The following SNTG1 variants were observed in gnomAD, a reference collection of about 807,000 sequenced individuals.
SNTG1 encodes gamma-1-syntrophin.
A neutral mutation model predicts 74.7 loss-of-function variants in SNTG1; 39 were observed. The ratio of observed to expected loss-of-function variants is 0.52; its 90% confidence interval spans 0.40 to 0.68. The LOEUF is 0.68. SNTG1 is among the 30% of genes least tolerant of loss of function. The probability of loss-of-function intolerance (pLI) is 0.00; values close to 1 mark genes in which losing one functional copy is unlikely to be tolerated. For synonymous variants in SNTG1, 254 were observed against 217.1 expected, an observed-to-expected ratio of 1.17 and a Z score of -1.49; for missense variants, 685 against 609.5, an observed-to-expected ratio of 1.12 and a Z score of -1.30.
chr8:50,575,857 C>A (rs1347588306), intron 12 of SNTG1: 3 of 152,212 alleles, frequency 2.0e-5, no homozygotes, highest in African/African-American at 7.2e-5. Context: ...TCATTCATAT[C>A]TTCTTCCAGG....
chr8:50,673,953 G>T (rs982778337), intron 15 of SNTG1, among the ~76,000 whole-genome samples: 1 of 152,104 alleles, frequency 6.6e-6, no homozygotes, highest in Non-Finnish European at 1.5e-5. Context: ...TTCTGTCATT[G>T]GTTCTGTCAA....
intron 1 of SNTG1, among the ~76,000 whole-genome samples, chr8:49,953,439 A>G (rs1013322724): frequency 6.6e-6 from 1 of 152,166 alleles, no homozygotes; most frequent in Non-Finnish European, 1.5e-5. Context: ...CCTGGGAACT[A>G]GAGATTACAA....
chr8:50,583,200 C>T (rs1222920702), intron 12 of SNTG1, among the ~76,000 whole-genome samples: 17 of 151,636 alleles, frequency 1.1e-4, no homozygotes, highest in African/African-American at 4.1e-4. Flanking sequence ...GCCAGGAGTT[C>T]GAGACCAACC....
intron 1 of SNTG1, among the ~76,000 whole-genome samples, chr8:50,043,038 T>C (rs919354418): frequency 2.0e-5 from 3 of 152,252 alleles, no homozygotes; most frequent in Non-Finnish European, 2.9e-5. Flanking sequence ...TTATGATTAC[T>C]AGTTTTATTT....
rs1007347794 is a variant in SNTG1, at chr8:50,619,155, G to A, written c.849+28238G>A. Among the ~76,000 whole-genome samples the A allele has an allele frequency of 2.6e-5, 4 of 152,036 alleles. No individual in the cohort carries two copies. In the South Asian group the frequency reaches 8.3e-4, roughly 32 times the overall value. On this transcript the variant is annotated intron_variant, in intron 13 of 18. Transcript: ENST00000642720. ...CATCAAAGTGGTTCTGCTATTATTA[G>A]AGCACTATGCTGAATATCATGGCAG...
intron 1 of SNTG1, among the ~76,000 whole-genome samples, chr8:49,940,982 C>A (rs1808633857): frequency 6.6e-6 from 1 of 152,120 alleles, no homozygotes; most frequent in Non-Finnish European, 1.5e-5. Context: ...ACGTTTAAGG[C>A]ACTGTTGGAA....
intron 2 of SNTG1, among the ~76,000 whole-genome samples, chr8:50,292,005 G>C (rs982343996): frequency 6.6e-6 from 1 of 151,988 alleles, no homozygotes; most frequent in African/African-American, 2.4e-5. Flanking sequence ...GTGTGTGTGT[G>C]TGCTCTAATG....
chr8:50,785,956 C>T (rs905500606), intron 18 of SNTG1, among the ~76,000 whole-genome samples: 1 of 151,760 alleles, frequency 6.6e-6, no homozygotes, highest in Non-Finnish European at 1.5e-5. Context: ...AAAATAAATA[C>T]CATTTCATAA....
At chr8:50,662,626 C>G (rs1367194559) in intron 15 of SNTG1, among the ~76,000 whole-genome samples, 1 of 152,196 alleles carries the variant, frequency 6.6e-6, no homozygotes, top group Admixed American at 6.6e-5. Flanking sequence ...TACACTGTCT[C>G]TGTCTCTCAG....
At chr8:50,639,541 C>G (rs1487756950) in intron 13 of SNTG1, among the ~76,000 whole-genome samples, 1 of 151,650 alleles carries the variant, frequency 6.6e-6, no homozygotes, top group Non-Finnish European at 1.5e-5. Flanking sequence ...ATATATTTGC[C>G]TAAAGTACTA....
chr8:50,425,015 T>G (rs540415007), intron 4 of SNTG1, among the ~76,000 whole-genome samples: 64 of 152,218 alleles, frequency 4.2e-4, no homozygotes, highest in Middle Eastern at 3.4e-3. Context: ...TTATGAGAAA[T>G]CAATAGTTTT....
chr8:50,203,053 T>G (rs775245892), intron 2 of SNTG1, among the ~76,000 whole-genome samples: 3 of 152,218 alleles, frequency 2.0e-5, no homozygotes, highest in Non-Finnish European at 2.9e-5. Flanking sequence ...TTTCTCCTCC[T>G]TATCCTCTTA....
chr8:49,993,161 A>T (rs1410569652), intron 1 of SNTG1, among the ~76,000 whole-genome samples: 1 of 152,106 alleles, frequency 6.6e-6, no homozygotes, highest in Non-Finnish European at 1.5e-5. Context: ...TGGGAATAAG[A>T]CTTTTCTCTG....
At chr8:50,402,125 T>C (rs1481321080) in intron 3 of SNTG1, 85 bp from the exon 4 acceptor site, 6 of 1,348,714 alleles carry the variant, frequency 4.4e-6, no homozygotes, top group Middle Eastern at 4.0e-4. Flanking sequence ...TTATTCACCA[T>C]GTTTTGCTGT....
At chr8:49,927,403 A>T (rs1405406660) in intron 1 of SNTG1, among the ~76,000 whole-genome samples, 1 of 152,234 alleles carries the variant, frequency 6.6e-6, no homozygotes, top group Non-Finnish European at 1.5e-5. Flanking sequence ...CAGGTAAGGG[A>T]ATACTAAAAT....
chr8:50,143,476 T>C (rs909670890), intron 1 of SNTG1, among the ~76,000 whole-genome samples: 4 of 152,200 alleles, frequency 2.6e-5, no homozygotes, highest in Admixed American at 6.5e-5. Context: ...TAGTAACTGG[T>C]GTAGCAGAAA....
intron 2 of SNTG1, among the ~76,000 whole-genome samples, chr8:50,186,283 CT>C (rs1259248793): frequency 6.6e-6 from 1 of 152,056 alleles, no homozygotes; most frequent in Admixed American, 6.6e-5. Context: ...CATGTCTTTG[CT>C]ATTGTAAATA....
chr8:50,642,666 T>G (rs1327583193), intron 13 of SNTG1, among the ~76,000 whole-genome samples: 3 of 152,172 alleles, frequency 2.0e-5, no homozygotes, highest in Non-Finnish European at 2.9e-5. Flanking sequence ...CCTTTAAGCC[T>G]ATACTCAAAT....
chr8:50,274,820 A>G (rs1246195412), intron 2 of SNTG1, among the ~76,000 whole-genome samples: 1 of 152,140 alleles, frequency 6.6e-6, no homozygotes, highest in Admixed American at 6.6e-5. Context: ...ATACGATTTT[A>G]TCTTTAGCTT....
Sources: gnomAD v4.1 joint callset for allele counts (sites outside exome capture counted in the v4.1 genomes callset) on GRCh38, gnomAD v4.1.1 for gene constraint, MANE v1.5 for transcripts, NCBI Gene and HGNC (gene_info 2026-07-23, HGNC 2026-07-21) for gene names.